Variants in SLC25A53 observed in about 807,000 individuals in gnomAD.
The protein encoded by SLC25A53 is mitochondrial carrier triple repeat protein 6.
A neutral mutation model predicts 15.0 loss-of-function variants in SLC25A53; 5 were observed. That is an observed-to-expected ratio of 0.33 (90% CI 0.17 to 0.70). The LOEUF (loss-of-function observed/expected upper bound fraction) is 0.70, where lower values mean the gene tolerates loss of function less well. Ranked by LOEUF, SLC25A53 falls within the 30% of genes least tolerant of loss-of-function variation. The probability of loss-of-function intolerance (pLI) is 0.67; values close to 1 mark genes in which losing one functional copy is unlikely to be tolerated. For synonymous variants in SLC25A53, 95 were observed against 100.0 expected (o/e 0.95, Z 0.30); for missense variants, 216 against 241.6 (o/e 0.89, Z 0.70).
At chrX:104,126,681 G>GA (rs1339846427) in intron 1 of SLC25A53, among the ~76,000 whole-genome samples, 2 of 111,384 alleles carry the variant, frequency 1.8e-5, no homozygotes, top group Non-Finnish European at 3.8e-5. Context: ...GATTCCATTA[G>GA]AAAATGAGCA....
intron 1 of SLC25A53, among the ~76,000 whole-genome samples, chrX:104,155,798 C>G (rs1241913673): frequency 9.0e-6 from 1 of 111,050 alleles, no homozygotes; most frequent in Admixed American, 9.6e-5. Flanking sequence ...AATACCAGCA[C>G]TTTGGGAGGC....
At chrX:104,143,129 A>C (rs1399255412) in intron 1 of SLC25A53, among the ~76,000 whole-genome samples, 1 of 110,839 alleles carries the variant, frequency 9.0e-6, no homozygotes, top group Non-Finnish European at 1.9e-5. Flanking sequence ...GGTAGATAAA[A>C]CCACAAAGAT....
intron 1 of SLC25A53, among the ~76,000 whole-genome samples, chrX:104,140,056 T>C (rs2075447010): frequency 8.9e-6 from 1 of 112,251 alleles, no homozygotes; most frequent in Non-Finnish European, 1.9e-5. Flanking sequence ...GATCTGGCAT[T>C]TGAACTTAAG....
At chrX:104,136,142 AACAC>A (rs1424054703) in intron 1 of SLC25A53, among the ~76,000 whole-genome samples, 1 of 111,711 alleles carries the variant, frequency 9.0e-6, no homozygotes, top group Non-Finnish European at 1.9e-5. Flanking sequence ...TGTTACATAT[AACAC>A]ACACATTATA....
intron 1 of SLC25A53, chrX:104,130,949 A>G (rs2075424265): frequency 8.9e-6 from 1 of 111,925 alleles, no homozygotes; most frequent in South Asian, 3.7e-4. Flanking sequence ...TAATCATTTA[A>G]TTATACTCAT....
chrX:104,111,452 G>C (rs2075342939), intron 1 of SLC25A53, among the ~76,000 whole-genome samples: 1 of 109,589 alleles, frequency 9.1e-6, no homozygotes, highest in African/African-American at 3.3e-5. Context: ...TCGAAATTAT[G>C]TTGCTTTTAT....
intron 1 of SLC25A53, among the ~76,000 whole-genome samples, chrX:104,152,053 ATTTCT>A (rs56255844): frequency 0.26 from 28,630 of 110,038 alleles, 3,368 homozygotes; most frequent in East Asian, 0.55. Context: ...TAGAGAACAG[ATTTCT>A]TTTCTGTTTT....
chrX:104,154,430 T>A (rs1556371009), intron 1 of SLC25A53, among the ~76,000 whole-genome samples: 1 of 112,113 alleles, frequency 8.9e-6, no homozygotes, highest in Admixed American at 9.5e-5. Flanking sequence ...TGGAGGTTCC[T>A]CAAAAAACTA....
chrX:104,156,066 A>AAG lies in SLC25A53; in HGVS notation c.-32+811_-32+812insCT, dbSNP rs1423553846. On this transcript the variant is annotated intron_variant, in intron 1 of 1. Transcript: ENST00000594199. ...GAGAGACTCCTTATCAAAAAAAAAA[A>AAG]AAAGAAAGAAAGAAAGAAAAAAAAA... Among the ~76,000 whole-genome samples, 294 of 105,813 alleles carry AAG rather than the reference A, an allele frequency of 2.8e-3. 3 individuals carry two copies. The highest frequency in any genetic ancestry group is 0.011 in the African/African-American group (288 of 27,426). 91.9% of individuals were successfully genotyped at this position (105,813 alleles called of 115,157 possible).
Position 104,105,301 on chromosome X carries a change from GA to G in SLC25A53, c.-31-14del. ...CAGATGGAAGAAACTGGCAAGGGTG[GA>G]AAAAAAGAGATTAGACTGACCAATT... On this transcript the variant is annotated splice_polypyrimidine_tract_variant and intron_variant, in intron 1 of 1. Coordinates refer to ENST00000594199, the MANE Select transcript of SLC25A53 (RefSeq NM_001012755.5). 1 of 1,060,733 alleles carries G rather than the reference GA, an allele frequency of 9.4e-7. No homozygotes were observed. Among genetic ancestry groups the G allele is most frequent in the Non-Finnish European group, 1.3e-6 (1 of 784,915 alleles). 87.4% of individuals were successfully genotyped at this position (1,060,733 alleles called of 1,213,427 possible).
At chrX:104,114,998 C>T (rs1187949005) in intron 1 of SLC25A53, 23 of 1,193,187 alleles carry the variant, frequency 1.9e-5, no homozygotes, top group Admixed American at 4.6e-5. Flanking sequence ...GGTGCCCCTC[C>T]CTTCAGAGGA....
At chrX:104,122,818 G>T (rs1334894995) in intron 1 of SLC25A53, among the ~76,000 whole-genome samples, 1 of 111,463 alleles carries the variant, frequency 9.0e-6, no homozygotes, top group Non-Finnish European at 1.9e-5. Flanking sequence ...TTGTATAAAG[G>T]TGGCTGATCA....
chrX:104,115,598 A>G (rs1200735239), intron 1 of SLC25A53: 1 of 278,045 alleles, frequency 3.6e-6, no homozygotes, highest in Non-Finnish European at 6.6e-6. Context: ...TTTTCATTAA[A>G]CCTTCAAAAA....
rs782530527 is a variant in SLC25A53 at position 104,104,981 on chromosome X, T to C, written c.277A>G (p.Thr93Ala). 1.7e-6 allele frequency: 2 copies of C among 1,209,692 alleles called. No homozygotes were observed. Among genetic ancestry groups the C allele is most frequent in the Admixed American group, 4.4e-5 (2 of 45,790 alleles). ...CTATCATAAGTCCCAAACAGAAGAG[T>C]CCCTTGCAACGTCTTGGAGAGAAGA... The part of the protein sequence containing the change: ...PPLLSKTLQG[T>A]LLFGTYDSLL... The change falls in exon 2 of 2, where the codon ACT (threonine) becomes GCT (alanine). Residue 93 changes from threonine to alanine, a missense_variant. Physicochemically the swap from Thr to Ala is moderately conservative, Grantham distance 58. Coordinates refer to ENST00000594199, the MANE Select transcript of SLC25A53 (RefSeq NM_001012755.5).
At chrX:104,126,844 A>T (rs782059050) in intron 1 of SLC25A53, among the ~76,000 whole-genome samples, 5 of 112,061 alleles carry the variant, frequency 4.5e-5, no homozygotes, top group African/African-American at 9.7e-5. Flanking sequence ...AAAATAAAAA[A>T]CAGTAATACC....
intron 1 of SLC25A53, among the ~76,000 whole-genome samples, chrX:104,127,201 A>G (rs1556364594): frequency 1.8e-5 from 2 of 112,628 alleles, no homozygotes. Context: ...AACAACCCAG[A>G]TATGACTCAA....
chrX:104,147,769 T>C (rs1332861584), intron 1 of SLC25A53, among the ~76,000 whole-genome samples: 1 of 110,992 alleles, frequency 9.0e-6, no homozygotes, highest in African/African-American at 3.3e-5. Flanking sequence ...TCACACCAGT[T>C]AGAATAGCAA....
chrX:104,126,120 AACATT>A (rs1338274562), intron 1 of SLC25A53, among the ~76,000 whole-genome samples: 2 of 110,213 alleles, frequency 1.8e-5, no homozygotes, highest in African/African-American at 6.6e-5. Flanking sequence ...CAGCCTAGGT[AACATT>A]ACAAGACCCA....
chrX:104,114,111 C>G (rs2075363406), intron 1 of SLC25A53: 1 of 1,209,830 alleles, frequency 8.3e-7, no homozygotes, highest in East Asian at 3.0e-5. Context: ...CGTCGTCAGT[C>G]ATGGCTAGCA....
Sources: gnomAD v4.1 joint callset for allele counts (sites outside exome capture counted in the v4.1 genomes callset) on GRCh38, gnomAD v4.1.1 for gene constraint, MANE v1.5 for transcripts, NCBI Gene and HGNC (gene_info 2026-07-23, HGNC 2026-07-21) for gene names.